EDIL3: variants seen among roughly 807,000 people sequenced by gnomAD.
EDIL3 encodes EGF-like repeat and discoidin I-like domain-containing protein 3.
In EDIL3, 37 loss-of-function variants were observed where a neutral mutation model predicts 67.4. The ratio of observed to expected loss-of-function variants is 0.55; its 90% CI spans 0.42 to 0.72. The LOEUF is 0.72. EDIL3 is among the 30% of genes least tolerant of loss of function. The pLI is 0.00. For missense variants in EDIL3, 527 were observed against 586.3 expected (o/e 0.90, Z 1.04); for synonymous variants, 195 against 196.3 (o/e 0.99, Z 0.05).
rs36045777 is a variant in EDIL3 at position 84,024,802 on chromosome 5, AT to A, written c.1137+35497del. 2.2e-3 allele frequency among the ~76,000 whole-genome samples: 333 copies of A among 150,154 alleles called. 3 individuals carry two copies. The highest frequency in any genetic ancestry group is 7.7e-3 in the African/African-American group (315 of 40,884). On this transcript the variant is annotated intron_variant, in intron 9 of 10. Coordinates refer to ENST00000296591, the MANE Select transcript of EDIL3 (RefSeq NM_005711.5). The stretch of plus-strand genomic sequence containing the variant: ...ACCCTTAAGAACACAACTTCTTTCT[AT>A]TTTTTTTTTCACTCTATTACCTTTT...
intron 3 of EDIL3, among the ~76,000 whole-genome samples, chr5:84,207,824 T>G (rs904169134): frequency 6.6e-6 from 1 of 150,962 alleles, no homozygotes; most frequent in Non-Finnish European, 1.5e-5. Context: ...TAAATGGTGC[T>G]GGGAAAACTG....
intron 9 of EDIL3, among the ~76,000 whole-genome samples, chr5:84,043,806 A>C (rs1458975693): frequency 6.6e-6 from 1 of 152,232 alleles, no homozygotes; most frequent in Non-Finnish European, 1.5e-5. Flanking sequence ...GCCCTTTGAA[A>C]ACAACAAAGT....
chr5:84,201,199 T>G (rs958085376), intron 3 of EDIL3, among the ~76,000 whole-genome samples: 1 of 152,014 alleles, frequency 6.6e-6, no homozygotes, highest in Non-Finnish European at 1.5e-5. Context: ...ATCAGGGGTA[T>G]GATCCAGGGA....
At chr5:84,011,950 G>A (rs1745524218) in intron 9 of EDIL3, among the ~76,000 whole-genome samples, 1 of 151,834 alleles carries the variant, frequency 6.6e-6, no homozygotes, top group African/African-American at 2.4e-5. Flanking sequence ...AATTTCACTG[G>A]TTTGTTGACT....
At chr5:84,069,942 A>G (rs1746707329) in intron 6 of EDIL3, among the ~76,000 whole-genome samples, 1 of 152,016 alleles carries the variant, frequency 6.6e-6, no homozygotes. Context: ...CTGGATGTGG[A>G]GAGGAGCAGA....
chr5:84,073,313 T>C (rs976966661), intron 6 of EDIL3, among the ~76,000 whole-genome samples: 1 of 151,992 alleles, frequency 6.6e-6, no homozygotes, highest in Admixed American at 6.5e-5. Flanking sequence ...CTCTCACCAC[T>C]CCTATTCAAC....
chr5:83,994,030 T>C (rs891002821), intron 9 of EDIL3, among the ~76,000 whole-genome samples: 1 of 152,204 alleles, frequency 6.6e-6, no homozygotes, highest in African/African-American at 2.4e-5. Context: ...TGTGCAGTGC[T>C]CTTAAGGGGA....
chr5:84,091,809 C>T (rs980535511), intron 6 of EDIL3, among the ~76,000 whole-genome samples: 6 of 152,094 alleles, frequency 3.9e-5, no homozygotes, highest in Non-Finnish European at 7.4e-5. Flanking sequence ...TGCAAGAAGC[C>T]CTGATGCAGT....
intron 9 of EDIL3, among the ~76,000 whole-genome samples, chr5:84,019,453 T>A (rs1229773847): frequency 6.6e-6 from 1 of 151,934 alleles, no homozygotes; most frequent in Non-Finnish European, 1.5e-5. Flanking sequence ...AAATGACAAG[T>A]TAATGGGTGC....
intron 9 of EDIL3, among the ~76,000 whole-genome samples, chr5:84,017,194 T>C (rs1419442784): frequency 2.0e-5 from 3 of 152,196 alleles, no homozygotes; most frequent in African/African-American, 4.8e-5. Flanking sequence ...TTGTCAAGAT[T>C]TACACATCTT....
At chr5:84,255,876 T>G (rs1745113231) in intron 1 of EDIL3, among the ~76,000 whole-genome samples, 1 of 152,126 alleles carries the variant, frequency 6.6e-6, no homozygotes, top group African/African-American at 2.4e-5. Flanking sequence ...CATGGAGTAT[T>G]TAATCTGGAA....
At chr5:84,067,876 G>C (rs1187142280) in intron 6 of EDIL3, among the ~76,000 whole-genome samples, 1 of 152,014 alleles carries the variant, frequency 6.6e-6, no homozygotes, top group Non-Finnish European at 1.5e-5. Context: ...TAAAATTCTG[G>C]GCCGATGGTC....
intron 1 of EDIL3, among the ~76,000 whole-genome samples, chr5:84,356,774 T>C (rs1309301412): frequency 3.3e-5 from 5 of 152,106 alleles, no homozygotes; most frequent in African/African-American, 1.2e-4. Context: ...CATGTAATCT[T>C]AGGTCTAACA....
intron 1 of EDIL3, among the ~76,000 whole-genome samples, chr5:84,367,124 A>AGTTGTTTT (rs1455888338): frequency 6.6e-6 from 1 of 152,220 alleles, no homozygotes; most frequent in Non-Finnish European, 1.5e-5. Context: ...TTTTTCTAAC[A>AGTTGTTTT]GTTGTTTTAA....
intron 10 of EDIL3, 69 bp from the exon 11 acceptor site, chr5:83,943,637 G>T (rs1173217399): frequency 5.2e-6 from 8 of 1,546,718 alleles, no homozygotes; most frequent in Non-Finnish European, 5.3e-6. Context: ...TTATGTTCCT[G>T]TTTGGAACAT....
At chr5:84,264,705 C>A (rs1453593131) in intron 1 of EDIL3, among the ~76,000 whole-genome samples, 2 of 152,166 alleles carry the variant, frequency 1.3e-5, no homozygotes, top group Non-Finnish European at 2.9e-5. Flanking sequence ...GAGAAGATTG[C>A]AGCTCTTCAG....
intron 3 of EDIL3, among the ~76,000 whole-genome samples, chr5:84,221,304 T>C (rs1011657002): frequency 1.3e-5 from 2 of 152,156 alleles, no homozygotes; most frequent in Non-Finnish European, 2.9e-5. Context: ...TACAACTACA[T>C]TCATAGATAT....
At chr5:84,242,339 T>C (rs978365389) in intron 2 of EDIL3, among the ~76,000 whole-genome samples, 1 of 152,114 alleles carries the variant, frequency 6.6e-6, no homozygotes, top group Non-Finnish European at 1.5e-5. Flanking sequence ...TTGCTCAAAG[T>C]CACAGACTTA....
rs529429338 is a variant in EDIL3, at chr5:84,045,579, T to C, written c.1137+14721A>G. 2.2e-4 allele frequency among the ~76,000 whole-genome samples: 34 copies of C among 152,290 alleles called. 2 individuals carry two copies. The highest frequency in any genetic ancestry group is 7.0e-4 in the African/African-American group (29 of 41,572). ...TTCCAGAAAGTTATTACCTAGAAGC[T>C]GCAAGCAGATAAATGTGTCCTTAGT... is the stretch of plus-strand genomic sequence containing the variant. On this transcript the variant is annotated intron_variant, in intron 9 of 10. Coordinates refer to ENST00000296591, the MANE Select transcript of EDIL3 (RefSeq NM_005711.5).
Sources: gnomAD v4.1 joint callset for allele counts (sites outside exome capture counted in the v4.1 genomes callset) on GRCh38, gnomAD v4.1.1 for gene constraint, MANE v1.5 for transcripts, NCBI Gene and HGNC (gene_info 2026-07-23, HGNC 2026-07-21) for gene names.